UBAC1: variants seen among roughly 807,000 people sequenced by gnomAD.
The protein encoded by UBAC1 is UBA domain containing 1.
UBAC1 carries 27 observed loss-of-function variants against 45.9 expected under a neutral mutation model. The ratio of observed to expected loss-of-function variants is 0.59; its 90% confidence interval spans 0.43 to 0.81. The LOEUF (loss-of-function observed/expected upper bound fraction) is 0.81. Ranked by LOEUF, UBAC1 falls within the 30% of genes least tolerant of loss-of-function variation. The probability of loss-of-function intolerance (pLI) is 0.00; values close to 1 mark genes in which losing one functional copy is unlikely to be tolerated. For synonymous variants in UBAC1, 227 were observed against 215.5 expected (o/e 1.05, Z -0.47); for missense variants, 529 against 539.2 (o/e 0.98, Z 0.19).
At chr9:135,958,854 C>T (rs1008082227) in intron 1 of UBAC1, among the ~76,000 whole-genome samples, 4 of 152,116 alleles carry the variant, frequency 2.6e-5, no homozygotes, top group Non-Finnish European at 4.4e-5. Flanking sequence ...TCGGCTCTTG[C>T]GGTGTGAAAA....
At chr9:135,952,937 A>T (rs1484375505) in intron 3 of UBAC1, among the ~76,000 whole-genome samples, 1 of 152,154 alleles carries the variant, frequency 6.6e-6, no homozygotes, top group Non-Finnish European at 1.5e-5. Flanking sequence ...GTGCTCCCTC[A>T]CCGGCCACTC....
intron 9 of UBAC1, 148 bp from the exon 10 acceptor site, chr9:135,933,663 C>T (rs1564193261): frequency 1.6e-6 from 1 of 634,742 alleles, no homozygotes; most frequent in Non-Finnish European, 2.8e-6. Context: ...AGTGTGCACT[C>T]TCAGGCTGAA....
chr9:135,938,613 G>C (rs766194212), intron 8 of UBAC1, among the ~76,000 whole-genome samples: 1 of 152,262 alleles, frequency 6.6e-6, no homozygotes, highest in Admixed American at 6.5e-5. Context: ...AGGGATCACT[G>C]ACTGCTGCCG....
At position 135,939,536 on chromosome 9, in the gene UBAC1, TCACTCACCACAGCCCA is replaced by T. The variant is rs1194729829; in HGVS notation, c.963+121_963+136del. 216 of 740,302 alleles carry T rather than the reference TCACTCACCACAGCCCA, an allele frequency of 2.9e-4. 2 individuals carry two copies. The highest frequency in any genetic ancestry group is 2.9e-3 in the South Asian group (157 of 54,796). The allele number at this position is 740,302 out of a possible 1,614,324, so 45.9% of individuals were successfully genotyped here. ...CACACTCACTCATCACAGCCCCCAC[TCACTCACCACAGCCCA>T]CACTCACCACAGCCCACACTCACTC... is the stretch of plus-strand genomic sequence containing the variant. On this transcript the variant is annotated intron_variant, in intron 8 of 9. Transcript: ENST00000371756.
chr9:135,939,351 A>G (rs1564194921), intron 8 of UBAC1, among the ~76,000 whole-genome samples: 1 of 152,196 alleles, frequency 6.6e-6, no homozygotes, highest in Non-Finnish European at 1.5e-5. Context: ...TAAAAGCCAC[A>G]TAGCCGGCTG....
chr9:135,947,752 A>C (rs561742395), intron 4 of UBAC1, 46 bp downstream of exon 4: 3 of 1,522,222 alleles, frequency 2.0e-6, no homozygotes, highest in South Asian at 2.3e-5. Context: ...GCAATCCCCC[A>C]CACGGGGACC....
chr9:135,960,881 G>A lies in UBAC1; in HGVS notation c.138+144C>T, dbSNP rs1418196379. ...GTCGGGCAAACGGGCAGGAGGCGCTGCCTCCACCCCCGGAGGAGAGGGCCT... is the reference window on the plus strand; with the variant it reads ...GTCGGGCAAACGGGCAGGAGGCGCTACCTCCACCCCCGGAGGAGAGGGCCT... On this transcript the variant is annotated intron_variant, in intron 1 of 9. Transcript: ENST00000371756. 2 of 663,416 alleles carry A rather than the reference G, an allele frequency of 3.0e-6. No homozygotes were observed. 41.1% of individuals were successfully genotyped at this position (663,416 alleles called of 1,614,324 possible).
intron 3 of UBAC1, among the ~76,000 whole-genome samples, chr9:135,952,271 T>C (rs1260217952): frequency 2.6e-5 from 4 of 152,280 alleles, no homozygotes; most frequent in Non-Finnish European, 4.4e-5. Context: ...CTACCAGGCA[T>C]GGGCCTAGCC....
chr9:135,951,846 T>A (rs995634792), intron 3 of UBAC1, among the ~76,000 whole-genome samples: 1 of 150,218 alleles, frequency 6.7e-6, no homozygotes, highest in African/African-American at 2.5e-5. Context: ...TAATAATAAT[T>A]AATTCATAAA....
In UBAC1 at chr9:135,946,285, C is replaced by G. The variant is rs1427935852; in HGVS notation, c.528G>C (p.Leu176Phe). Reference sequence around the variant, plus strand: ...GACTCATACCATTCGCCTTCTTAAACAATTCCACTGCATCTGGGTTCAGCG... The same window carrying G: ...GACTCATACCATTCGCCTTCTTAAAGAATTCCACTGCATCTGGGTTCAGCG... ...LLALNPDAVE[L>F]FKKANAMLDE... The change falls in exon 5 of 10, where the codon TTG (leucine) becomes TTC (phenylalanine). Residue 176 changes from leucine to phenylalanine, a missense_variant. Coordinates refer to ENST00000371756, the MANE Select transcript of UBAC1 (RefSeq NM_016172.3). 6 of 1,613,096 alleles carry G rather than the reference C, an allele frequency of 3.7e-6. No homozygotes were observed. The highest frequency in any genetic ancestry group is 5.1e-6 in the Non-Finnish European group (6 of 1,179,168).
rs775357252 is a variant in UBAC1, at chr9:135,947,917, C to T, written c.334-12G>A. On this transcript the variant is annotated splice_polypyrimidine_tract_variant and intron_variant, in intron 3 of 9. Coordinates refer to ENST00000371756, the MANE Select transcript of UBAC1 (RefSeq NM_016172.3). ...TGGTCTTGTTTTTTCTACACAGAAA[C>T]GTAATCAGAAAGTCTGAGGTGAACG... 4.3e-6 allele frequency: 7 copies of T among 1,611,470 alleles called. No homozygotes were observed. Among genetic ancestry groups the T allele is most frequent in the South Asian group, 2.2e-5 (2 of 90,806 alleles).
In UBAC1 at chr9:135,933,436, C is replaced by T. The variant is rs761781996; in HGVS notation, c.1182G>A (p.Gln394=). 4 of 1,614,172 alleles carry T rather than the reference C, an allele frequency of 2.5e-6. No individual in the cohort carries two copies. Among genetic ancestry groups the T allele is most frequent in the Non-Finnish European group, 3.4e-6 (4 of 1,180,028 alleles). The change falls in exon 10 of 10, where the codon CAG becomes CAA. Residue 394 remains glutamine (Q), a synonymous_variant. Transcript: ENST00000371756. ...NDPETGPVML[Q]ISRIFQTLNR... ...TTAGTGTCTGGAAGATTCTAGAGAT[C>T]TGCAGCATGACAGGCCCCGTTTCTG... is the stretch of plus-strand genomic sequence containing the variant.
At chr9:135,946,454 C>T (rs555839356) in intron 4 of UBAC1, 83 bp from the exon 5 acceptor site, 5 of 887,358 alleles carry the variant, frequency 5.6e-6, no homozygotes, top group Admixed American at 3.7e-5. Context: ...TGTCCTAGAA[C>T]TCTTGATTCT....
At chr9:135,946,050 T>C (rs1839330115) in intron 5 of UBAC1, 53 bp from the exon 6 acceptor site, 19 of 1,497,532 alleles carry the variant, frequency 1.3e-5, no homozygotes, top group Admixed American at 6.7e-5. Context: ...TCAGGGGCCT[T>C]ATCTGAGCAC....
chr9:135,961,298 G>A lies in UBAC1; in HGVS notation c.-136C>T. The A allele has an allele frequency of 5.6e-6, 4 of 715,416 alleles. No individual in the cohort carries two copies. Among genetic ancestry groups the A allele is most frequent in the Non-Finnish European group, 7.0e-6 (4 of 569,010 alleles). The allele number at this position is 715,416 out of a possible 1,614,324, so 44.3% of individuals were successfully genotyped here. On this transcript the variant is annotated 5_prime_UTR_variant, in exon 1 of 10. Coordinates refer to ENST00000371756, the MANE Select transcript of UBAC1 (RefSeq NM_016172.3). Reference sequence around the variant, plus strand: ...CGCCGCCCCGCCCCGGCTCCCGTCGGCCGGGCCGCCGTCACTCTCCGCGGC... The same window carrying A: ...CGCCGCCCCGCCCCGGCTCCCGTCGACCGGGCCGCCGTCACTCTCCGCGGC...
At chr9:135,955,200 ACT>A in intron 2 of UBAC1, 93 bp downstream of exon 2, 1 of 1,310,456 alleles carries the variant, frequency 7.6e-7, no homozygotes. Context: ...AGCTCAGAAC[ACT>A]GACTCCTGTG....
chr9:135,941,920 T>C (rs1032154428), intron 7 of UBAC1, among the ~76,000 whole-genome samples: 31 of 152,340 alleles, frequency 2.0e-4, no homozygotes, highest in African/African-American at 7.2e-4. Flanking sequence ...CCTGATCTCA[T>C]GACTTGTACA....
intron 3 of UBAC1, 121 bp downstream of exon 3, chr9:135,953,559 C>A: frequency 1.5e-6 from 1 of 689,612 alleles, no homozygotes; most frequent in East Asian, 3.3e-5. Flanking sequence ...ACCTCGTGAT[C>A]CACCCGCCTC....
At chr9:135,944,572 T>C (rs1480416809) in intron 7 of UBAC1, among the ~76,000 whole-genome samples, 2 of 152,208 alleles carry the variant, frequency 1.3e-5, no homozygotes, top group African/African-American at 4.8e-5. Context: ...CCCTGCAGAC[T>C]GTGCCATGGA....
Sources: gnomAD v4.1 joint callset for allele counts (sites outside exome capture counted in the v4.1 genomes callset) on GRCh38, gnomAD v4.1.1 for gene constraint, MANE v1.5 for transcripts, NCBI Gene and HGNC (gene_info 2026-07-23, HGNC 2026-07-21) for gene names.